The following CFAP45 variants were observed in gnomAD, a reference collection of about 807,000 sequenced individuals.
CFAP45 encodes cilia- and flagella-associated protein 45.
Under a neutral mutation model 75.6 loss-of-function variants are expected in CFAP45, and 43 were observed. The ratio of observed to expected loss-of-function variants is 0.57; its 90% CI spans 0.45 to 0.73. CFAP45 has a LOEUF of 0.73. Ranked by LOEUF, CFAP45 falls within the 30% of genes least tolerant of loss-of-function variation. CFAP45 has a pLI of 0.00. For missense variants in CFAP45, 689 were observed against 701.5 expected (o/e 0.98, Z 0.20); for synonymous variants, 223 against 244.6 (o/e 0.91, Z 0.82).
At position 159,900,151 on chromosome 1, in the gene CFAP45, C is replaced by A. The variant is rs3820101; in HGVS notation, c.-53G>T. Reference sequence around the variant, plus strand: ...ACTTCTGCTGCCGCCTCGGCGCCGCCAAGGCCCTAGTGTTGACGCGTTACC... The same window carrying A: ...ACTTCTGCTGCCGCCTCGGCGCCGCAAAGGCCCTAGTGTTGACGCGTTACC... On this transcript the variant is annotated 5_prime_UTR_variant, in exon 1 of 12. Transcript: ENST00000368099. 18 of 1,613,638 alleles carry A rather than the reference C, an allele frequency of 1.1e-5. No individual in the cohort carries two copies. In the East Asian group the frequency reaches 3.8e-4, roughly 34 times the overall value.
chr1:159,896,108 G>T (rs568108695), intron 1 of CFAP45, among the ~76,000 whole-genome samples: 1 of 152,328 alleles, frequency 6.6e-6, no homozygotes, highest in Non-Finnish European at 1.5e-5. Flanking sequence ...TTGGAATACA[G>T]ATGGAAAGTA....
chr1:159,872,703 C>T lies in CFAP45; in HGVS notation c.1578-140G>A, dbSNP rs1571176508. 28 of 818,144 alleles carry T rather than the reference C, an allele frequency of 3.4e-5. No individual in the cohort carries two copies. The East Asian group carries it at 6.9e-4, about 20-fold the overall frequency. 50.7% of individuals were successfully genotyped at this position (818,144 alleles called of 1,614,324 possible). A position where few individuals can be genotyped will look rare whatever the true frequency, so the allele number is the denominator to read the frequency against. On this transcript the variant is annotated intron_variant, in intron 11 of 11. Coordinates refer to ENST00000368099, the MANE Select transcript of CFAP45 (RefSeq NM_012337.3). Reference sequence around the variant, plus strand: ...GCTCTCACAATCCACCCCCGAAACACACATTCATGCCAAGGCTCCAGCATC... The same window carrying T: ...GCTCTCACAATCCACCCCCGAAACATACATTCATGCCAAGGCTCCAGCATC...
chr1:159,877,999 G>A (rs1193810648), intron 8 of CFAP45, among the ~76,000 whole-genome samples: 2 of 152,088 alleles, frequency 1.3e-5, no homozygotes, highest in Non-Finnish European at 2.9e-5. Context: ...TGTTATCCTG[G>A]AGAGCCCTCA....
intron 8 of CFAP45, among the ~76,000 whole-genome samples, chr1:159,880,124 A>G (rs1229263664): frequency 6.6e-6 from 1 of 152,108 alleles, no homozygotes; most frequent in Admixed American, 6.5e-5. Context: ...GGGGAAGACT[A>G]TTTTCTGAGT....
intron 1 of CFAP45, chr1:159,898,381 T>C (rs1193378989): frequency 1.4e-5 from 3 of 220,248 alleles, no homozygotes; most frequent in Non-Finnish European, 2.3e-5. Context: ...TGCCTAATTG[T>C]GACCCTCACC....
intron 6 of CFAP45, among the ~76,000 whole-genome samples, chr1:159,886,288 C>T (rs1649675598): frequency 6.6e-6 from 1 of 151,294 alleles, no homozygotes; most frequent in South Asian, 2.1e-4. Flanking sequence ...TACAGTGAGC[C>T]GAGATTATGC....
rs1313378938 is a variant in CFAP45 at position 159,872,498 on chromosome 1, G to A, written c.1643C>T (p.Thr548Ile). 6.2e-7 allele frequency: 1 copy of A among 1,614,142 alleles called. No individual in the cohort carries two copies. The highest frequency in any genetic ancestry group is 8.5e-7 in the Non-Finnish European group (1 of 1,179,960). Residue 548 changes from threonine to isoleucine, a missense_variant, in exon 12 of 12, where the codon ACC (threonine) becomes ATC (isoleucine). Transcript: ENST00000368099. The stretch of plus-strand genomic sequence containing the variant: ...CGAAGGCTCCCCTCAGTTCACAGAG[G>A]TAGCTGGCAGGATGTTAGCTTTGCG... ...AERKANILPATSVN is the reference protein window; with the variant it reads ...AERKANILPAISVN
At chr1:159,889,545 C>G (rs758843382) in intron 3 of CFAP45, among the ~76,000 whole-genome samples, 4 of 152,208 alleles carry the variant, frequency 2.6e-5, no homozygotes, top group African/African-American at 7.2e-5. Flanking sequence ...GAATCTAAGA[C>G]AGCAGTTTAT....
chr1:159,896,400 G>T (rs916751357), intron 1 of CFAP45, among the ~76,000 whole-genome samples: 3 of 152,206 alleles, frequency 2.0e-5, no homozygotes, highest in African/African-American at 7.2e-5. Flanking sequence ...TTGGGGAAAT[G>T]CTGACTTTGA....
chr1:159,893,347 G>T, intron 1 of CFAP45, 42 bp from the exon 2 acceptor site: 1 of 1,604,348 alleles, frequency 6.2e-7, no homozygotes, highest in South Asian at 1.1e-5. Context: ...AGTACTGAGT[G>T]GCATCCAGAC....
Position 159,884,439 on chromosome 1 carries a change from T to C in CFAP45, c.894A>G (p.Leu298=). ...CATTGTCTGTCTGGCCTGTTACCTT[T>C]AGATCTTCCTCTTGGAGCTGTTCCA... ...EYMEQLQEED[L]KDMERRQQQK... is the part of the protein sequence containing the mutation. The change falls in exon 7 of 12, where the codon CTA becomes CTG. Residue 298 remains leucine, a synonymous_variant. Transcript: ENST00000368099. 6.2e-7 allele frequency: 1 copy of C among 1,611,426 alleles called. No individual in the cohort carries two copies.
intron 8 of CFAP45, among the ~76,000 whole-genome samples, chr1:159,880,347 G>A (rs74124746): frequency 1.3e-5 from 2 of 152,108 alleles, no homozygotes; most frequent in Non-Finnish European, 2.9e-5. Context: ...AGCTAATTTG[G>A]TTGTCCTTTC....
chr1:159,877,305 A>T (rs1432396242), intron 9 of CFAP45, 44 bp downstream of exon 9: 1 of 1,339,062 alleles, frequency 7.5e-7, no homozygotes, highest in Non-Finnish European at 1.1e-6. Context: ...ATGGATAGGC[A>T]AGGGAGTGGG....
At chr1:159,900,031 C>A (rs1256636281) in intron 1 of CFAP45, 65 bp downstream of exon 1, 1 of 1,602,496 alleles carries the variant, frequency 6.2e-7, no homozygotes, top group Non-Finnish European at 8.5e-7. Context: ...TAGGCCCCCA[C>A]TTTCCCCACT....
intron 10 of CFAP45, among the ~76,000 whole-genome samples, chr1:159,875,658 A>T (rs1649382799): frequency 6.6e-6 from 1 of 152,212 alleles, no homozygotes; most frequent in Non-Finnish European, 1.5e-5. Context: ...ATAATTTTGT[A>T]TCCCTTCAAT....
intron 11 of CFAP45, 96 bp from the exon 12 acceptor site, chr1:159,872,659 G>T: frequency 9.2e-6 from 10 of 1,086,454 alleles, no homozygotes; most frequent in Non-Finnish European, 1.4e-5. Context: ...GAACCTGGGG[G>T]CCTGCACCCC....
chr1:159,890,377 G>C, intron 3 of CFAP45, 103 bp downstream of exon 3: 5 of 1,049,002 alleles, frequency 4.8e-6, no homozygotes, highest in Non-Finnish European at 5.8e-6. Context: ...AGTGGGGATT[G>C]GACTGACAGA....
At chr1:159,880,435 T>C in intron 8 of CFAP45, 119 bp downstream of exon 8, 1 of 856,494 alleles carries the variant, frequency 1.2e-6, no homozygotes, top group South Asian at 1.8e-5. Context: ...ACTAAGGATG[T>C]GCATCTTAGA....
intron 7 of CFAP45, among the ~76,000 whole-genome samples, chr1:159,881,273 G>A (rs968318995): frequency 2.0e-5 from 3 of 152,100 alleles, no homozygotes; most frequent in Admixed American, 6.5e-5. Flanking sequence ...CTTCCCCACC[G>A]GCCACACAGC....
Sources: gnomAD v4.1 joint callset for allele counts (sites outside exome capture counted in the v4.1 genomes callset) on GRCh38, gnomAD v4.1.1 for gene constraint, MANE v1.5 for transcripts, NCBI Gene and HGNC (gene_info 2026-07-23, HGNC 2026-07-21) for gene names.